Variants in PDSS1 observed in about 807,000 individuals in gnomAD.
PDSS1 encodes decaprenyl diphosphate synthase subunit 1.
A neutral mutation model predicts 57.5 loss-of-function variants in PDSS1; 43 were observed. That is an observed-to-expected ratio of 0.75 (90% CI 0.59 to 0.96). PDSS1 has a LOEUF of 0.96. PDSS1 is among the 50% of genes least tolerant of loss of function. PDSS1 has a pLI of 0.00. For synonymous variants in PDSS1, 175 were observed against 191.3 expected (o/e 0.91, Z 0.70); for missense variants, 438 against 527.8 (o/e 0.83, Z 1.67).
At chr10:26,743,813 C>A (rs541716592) in intron 11 of PDSS1, among the ~76,000 whole-genome samples, 9 of 152,204 alleles carry the variant, frequency 5.9e-5, no homozygotes, top group African/African-American at 2.2e-4. Flanking sequence ...AGGCCTATTC[C>A]CTCATTAAAT....
At chr10:26,708,989 G>C (rs1748357) in intron 4 of PDSS1, among the ~76,000 whole-genome samples, 22 of 151,714 alleles carry the variant, frequency 1.5e-4, no homozygotes, top group African/African-American at 5.3e-4. Context: ...TGTTCCTTTC[G>C]CTGTCCGGCT....
At chr10:26,720,108 T>C in intron 5 of PDSS1, 110 bp from the exon 6 acceptor site, 2 of 1,506,476 alleles carry the variant, frequency 1.3e-6, no homozygotes, top group Non-Finnish European at 1.8e-6. Context: ...ACCGTTTCTC[T>C]TAGAGAAATA....
intron 11 of PDSS1, among the ~76,000 whole-genome samples, chr10:26,745,731 C>G (rs1836835845): frequency 6.6e-6 from 1 of 151,782 alleles, no homozygotes; most frequent in Admixed American, 6.6e-5. Context: ...CCTGTAGTCC[C>G]AGCTACTTGG....
Position 26,735,320 on chromosome 10 carries a change from G to A in PDSS1, c.912G>A (p.Gln304=). Residue 304 remains glutamine, a splice_region_variant and synonymous_variant, in exon 9 of 12, where the codon CAG becomes CAA. Transcript: ENST00000376215. ...QYGKNVGIAF[Q]LIDDVLDFTS... ...GAAAAAATGTAGGAATAGCTTTTCAGGTTAGTATGCTTTTTATTTGTAAGA... is the reference window on the plus strand; with the variant it reads ...GAAAAAATGTAGGAATAGCTTTTCAAGTTAGTATGCTTTTTATTTGTAAGA... 6.2e-7 allele frequency: 1 copy of A among 1,602,442 alleles called. No homozygotes were observed. Among genetic ancestry groups the A allele is most frequent in the Non-Finnish European group, 8.6e-7 (1 of 1,169,306 alleles).
At chr10:26,728,104 C>G (rs2132280304) in intron 8 of PDSS1, among the ~76,000 whole-genome samples, 1 of 152,236 alleles carries the variant, frequency 6.6e-6, no homozygotes, top group African/African-American at 2.4e-5. Flanking sequence ...GCCTGTAATC[C>G]CAGCACTTTG....
At chr10:26,733,256 C>T (rs1395237015) in intron 8 of PDSS1, among the ~76,000 whole-genome samples, 1 of 152,084 alleles carries the variant, frequency 6.6e-6, no homozygotes, top group African/African-American at 2.4e-5. Flanking sequence ...CTGTCCTGAG[C>T]CCAGCACATC....
At chr10:26,707,278 C>T (rs1304678500) in intron 4 of PDSS1, among the ~76,000 whole-genome samples, 1 of 152,104 alleles carries the variant, frequency 6.6e-6, no homozygotes, top group African/African-American at 2.4e-5. Flanking sequence ...ATGGTTGAGC[C>T]GACTCACCCA....
intron 10 of PDSS1, among the ~76,000 whole-genome samples, chr10:26,737,722 C>CAAAAAAAA (rs200552153): frequency 1.4e-5 from 1 of 73,558 alleles, no homozygotes; most frequent in African/African-American, 5.1e-5. Flanking sequence ...GACTCCGTCT[C>CAAAAAAAA]AAAAAAAAAA....
chr10:26,723,496 T>TA (rs1835852664), intron 6 of PDSS1, among the ~76,000 whole-genome samples: 2 of 152,288 alleles, frequency 1.3e-5, no homozygotes, highest in South Asian at 4.2e-4. Context: ...AACCGATTAT[T>TA]AGAAACTGGG....
intron 8 of PDSS1, among the ~76,000 whole-genome samples, chr10:26,731,483 C>T (rs1157944512): frequency 6.6e-6 from 1 of 152,214 alleles, no homozygotes; most frequent in Non-Finnish European, 1.5e-5. Context: ...ACAAACACTA[C>T]TGCAAGGGCT....
chr10:26,745,824 T>TGAC (rs1452752864), intron 11 of PDSS1, among the ~76,000 whole-genome samples: 1 of 151,088 alleles, frequency 6.6e-6, no homozygotes, highest in Admixed American at 6.6e-5. Flanking sequence ...CTAGCTTGGG[T>TGAC]GACAGAGTGA....
intron 5 of PDSS1, among the ~76,000 whole-genome samples, chr10:26,716,116 G>A (rs1835565273): frequency 2.0e-5 from 3 of 152,126 alleles, no homozygotes; most frequent in African/African-American, 7.2e-5. Context: ...GTTTCTTTAG[G>A]TTTAGAAGGT....
At chr10:26,704,635 C>T in intron 2 of PDSS1, 42 bp from the exon 3 acceptor site, 1 of 860,834 alleles carries the variant, frequency 1.2e-6, no homozygotes. Context: ...TACAGTTTTT[C>T]AGGAATATTC....
chr10:26,738,673 C>T (rs191411246), intron 10 of PDSS1, among the ~76,000 whole-genome samples: 36 of 152,276 alleles, frequency 2.4e-4, no homozygotes, highest in Admixed American at 1.6e-3. Flanking sequence ...GAACACTGGA[C>T]CAGGACAAGC....
At chr10:26,745,591 A>T (rs78540927) in intron 11 of PDSS1, among the ~76,000 whole-genome samples, 81 of 152,310 alleles carry the variant, frequency 5.3e-4, no homozygotes, top group African/African-American at 1.9e-3. Context: ...TCACACCTGT[A>T]ATCCCAGCAC....
chr10:26,736,167 C>T (rs1243304223), intron 10 of PDSS1, among the ~76,000 whole-genome samples: 1 of 152,184 alleles, frequency 6.6e-6, no homozygotes, highest in African/African-American at 2.4e-5. Flanking sequence ...GACTGAGTCC[C>T]CCTTAATGTG....
intron 1 of PDSS1, among the ~76,000 whole-genome samples, chr10:26,698,950 T>C (rs566589102): frequency 1.5e-4 from 23 of 152,078 alleles, no homozygotes; most frequent in Non-Finnish European, 1.6e-4. Context: ...ATAGCAAGAC[T>C]CTGTCTCTAT....
At chr10:26,733,344 C>G (rs1475276797) in intron 8 of PDSS1, among the ~76,000 whole-genome samples, 1 of 152,086 alleles carries the variant, frequency 6.6e-6, no homozygotes, top group Non-Finnish European at 1.5e-5. Flanking sequence ...CTGAATTGTC[C>G]CCCATATGGT....
At chr10:26,708,597 T>C (rs1323318824) in intron 4 of PDSS1, among the ~76,000 whole-genome samples, 1 of 152,226 alleles carries the variant, frequency 6.6e-6, no homozygotes, top group African/African-American at 2.4e-5. Context: ...CCATGCCTTA[T>C]ATGGGCTCTA....
Sources: gnomAD v4.1 joint callset for allele counts (sites outside exome capture counted in the v4.1 genomes callset) on GRCh38, gnomAD v4.1.1 for gene constraint, MANE v1.5 for transcripts, NCBI Gene and HGNC (gene_info 2026-07-23, HGNC 2026-07-21) for gene names.